Variants in ITFG1 observed in about 807,000 individuals in gnomAD.
ITFG1 encodes the protein T-cell immunomodulatory protein.
ITFG1 carries 34 observed loss-of-function variants against 81.8 expected under a neutral mutation model. That is an observed-to-expected ratio of 0.42 (90% CI 0.32 to 0.55). ITFG1 has a LOEUF of 0.55. ITFG1 is among the 20% of genes least tolerant of loss of function. The pLI is 0.17. For missense variants in ITFG1, 672 were observed against 755.4 expected (o/e 0.89, Z 1.29); for synonymous variants, 285 against 270.6 (o/e 1.05, Z -0.52).
chr16:47,430,136 C>T (rs1137143), intron 5 of ITFG1, among the ~76,000 whole-genome samples: 47,643 of 149,616 alleles, frequency 0.32, 7,934 homozygotes, highest in Non-Finnish European at 0.38. Context: ...CCGCTCACTG[C>T]AACTTCCGCC....
rs548537429 is a variant in ITFG1 at position 47,421,830 on chromosome 16, T to C, written c.655+6974A>G. 2.0e-5 allele frequency among the ~76,000 whole-genome samples: 3 copies of C among 152,176 alleles called. No individual in the cohort carries two copies. The East Asian group carries it at 5.8e-4, about 29-fold the overall frequency. The stretch of plus-strand genomic sequence containing the variant: ...TCTCCTAATGCTATACCTCCCACAG[T>C]CCCCCACCCAGCAACAGGGTCTGGT... On this transcript the variant is annotated intron_variant, in intron 6 of 17. Coordinates refer to ENST00000320640, the MANE Select transcript of ITFG1 (RefSeq NM_030790.5).
chr16:47,310,696 A>G (rs1967244245), intron 10 of ITFG1, among the ~76,000 whole-genome samples: 1 of 152,218 alleles, frequency 6.6e-6, no homozygotes, highest in African/African-American at 2.4e-5. Context: ...TAATGTAACA[A>G]CATTTACTAA....
At chr16:47,421,314 T>A (rs893934153) in intron 6 of ITFG1, among the ~76,000 whole-genome samples, 1 of 144,586 alleles carries the variant, frequency 6.9e-6, no homozygotes, top group African/African-American at 2.7e-5. Context: ...ACATACATAT[T>A]TTTTTTTTCT....
At chr16:47,414,875 A>T (rs137973436) in intron 6 of ITFG1, among the ~76,000 whole-genome samples, 1 of 152,234 alleles carries the variant, frequency 6.6e-6, no homozygotes, top group South Asian at 2.1e-4. Context: ...TTTTACCACT[A>T]TAAGTTCACC....
chr16:47,326,187 C>G (rs556912335), intron 8 of ITFG1, among the ~76,000 whole-genome samples: 1 of 151,944 alleles, frequency 6.6e-6, no homozygotes, highest in African/African-American at 2.4e-5. Context: ...ATCAATACAC[C>G]TAATACAGCA....
In ITFG1 at chr16:47,313,701, T is replaced by A. The variant is rs202019537; in HGVS notation, c.897+28A>T. 74 of 1,246,026 alleles carry A rather than the reference T, an allele frequency of 5.9e-5. No homozygotes were observed. In the African/African-American group the frequency reaches 9.8e-4, roughly 17 times the overall value. The allele number at this position is 1,246,026 out of a possible 1,614,324, so 77.2% of individuals were successfully genotyped here. On this transcript the variant is annotated intron_variant, in intron 9 of 17. Coordinates refer to ENST00000320640, the MANE Select transcript of ITFG1 (RefSeq NM_030790.5). ...TTTTTTCCAAGCACATAAAAAAAAA[T>A]GTTTACATTAAAAACAACTTGATAT...
At chr16:47,310,043 G>A (rs955470695) in intron 10 of ITFG1, among the ~76,000 whole-genome samples, 2 of 152,166 alleles carry the variant, frequency 1.3e-5, no homozygotes, top group Non-Finnish European at 2.9e-5. Context: ...TATCAGATCT[G>A]TTTCACACAC....
chr16:47,256,868 A>C (rs1966144888), intron 12 of ITFG1, among the ~76,000 whole-genome samples: 1 of 152,186 alleles, frequency 6.6e-6, no homozygotes, highest in Non-Finnish European at 1.5e-5. Flanking sequence ...TACAAAGTAC[A>C]TGTGCCTTTT....
chr16:47,359,016 G>A (rs1968075778), intron 8 of ITFG1, among the ~76,000 whole-genome samples: 1 of 152,124 alleles, frequency 6.6e-6, no homozygotes, highest in Non-Finnish European at 1.5e-5. Flanking sequence ...AGAGGGTGAT[G>A]TGGCAAAACC....
rs111375193 is a variant in ITFG1, at chr16:47,400,457, T to TACACAC, written c.656-24523_656-24518dup. On this transcript the variant is annotated intron_variant, in intron 6 of 17. Coordinates refer to ENST00000320640, the MANE Select transcript of ITFG1 (RefSeq NM_030790.5). ...GTTAATAGGGAAGACAGAGTCACTTTACACACACACACACACACACACACA... is the reference window on the plus strand; with the variant it reads ...GTTAATAGGGAAGACAGAGTCACTTTACACACACACACACACACACACACACACACA... 4.1e-3 allele frequency among the ~76,000 whole-genome samples: 556 copies of TACACAC among 137,034 alleles called. 6 individuals are homozygous for TACACAC. Among genetic ancestry groups the TACACAC allele is most frequent in the African/African-American group, 0.013 (491 of 36,668 alleles). 89.9% of individuals were successfully genotyped at this position (137,034 alleles called of 152,430 possible). A position where few individuals can be genotyped will look rare whatever the true frequency, so the allele number is the denominator to read the frequency against.
intron 6 of ITFG1, among the ~76,000 whole-genome samples, chr16:47,378,445 G>A (rs958973198): frequency 1.3e-5 from 2 of 152,242 alleles, no homozygotes; most frequent in African/African-American, 4.8e-5. Context: ...ATTTATCGCC[G>A]CTCCTTGAAA....
At chr16:47,255,423 GA>G (rs1966128352) in intron 12 of ITFG1, among the ~76,000 whole-genome samples, 1 of 152,134 alleles carries the variant, frequency 6.6e-6, no homozygotes, top group Non-Finnish European at 1.5e-5. Context: ...GTTAAACCAG[GA>G]AAGGCATTTC....
intron 6 of ITFG1, among the ~76,000 whole-genome samples, chr16:47,385,485 C>A (rs1383692582): frequency 6.6e-6 from 1 of 152,134 alleles, no homozygotes; most frequent in African/African-American, 2.4e-5. Flanking sequence ...CAAAAAATTT[C>A]TCTTGAAGCA....
chr16:47,424,305 CT>C (rs1264676578), intron 6 of ITFG1, among the ~76,000 whole-genome samples: 1 of 152,150 alleles, frequency 6.6e-6, no homozygotes, highest in Non-Finnish European at 1.5e-5. Context: ...CTTTTTTACA[CT>C]GTTTATTCTA....
chr16:47,313,831 A>G lies in ITFG1; in HGVS notation c.803-8T>C, dbSNP rs1325887801. On this transcript the variant is annotated splice_region_variant and splice_polypyrimidine_tract_variant and intron_variant, in intron 8 of 17. Transcript: ENST00000320640. The stretch of plus-strand genomic sequence containing the variant: ...CCATGTGTCCATCTCCATCTGCCAA[A>G]AGAAACTTCAAGAGTCCATTAATAG... The G allele has an allele frequency of 1.3e-6, 2 of 1,512,774 alleles. No homozygotes were observed. Among genetic ancestry groups the G allele is most frequent in the East Asian group, 2.3e-5 (1 of 43,482 alleles). 93.7% of individuals were successfully genotyped at this position (1,512,774 alleles called of 1,614,324 possible). A position where few individuals can be genotyped will look rare whatever the true frequency, so the allele number is the denominator to read the frequency against.
At chr16:47,182,286 C>A (rs1473924993) in intron 14 of ITFG1, among the ~76,000 whole-genome samples, 1 of 150,500 alleles carries the variant, frequency 6.6e-6, no homozygotes, top group Non-Finnish European at 1.5e-5. Flanking sequence ...GCAATGGGAG[C>A]ATACATTAGA....
intron 8 of ITFG1, among the ~76,000 whole-genome samples, chr16:47,346,383 A>T (rs1018470295): frequency 5.3e-5 from 8 of 152,232 alleles, no homozygotes; most frequent in African/African-American, 1.9e-4. Flanking sequence ...AATGAAAATG[A>T]AATACAACAT....
intron 17 of ITFG1, among the ~76,000 whole-genome samples, chr16:47,158,014 A>C (rs1319336984): frequency 6.6e-6 from 1 of 152,134 alleles, no homozygotes; most frequent in African/African-American, 2.4e-5. Context: ...TTTTGTTTTC[A>C]ATTATTATTT....
intron 14 of ITFG1, among the ~76,000 whole-genome samples, chr16:47,190,302 G>A (rs1158479791): frequency 1.3e-5 from 2 of 152,004 alleles, no homozygotes; most frequent in Non-Finnish European, 2.9e-5. Context: ...GGTGAGAAGA[G>A]TTTTTTTAGT....
Sources: allele counts gnomAD v4.1 joint callset (sites outside exome capture counted in the v4.1 genomes callset), GRCh38; gene constraint gnomAD v4.1.1; transcripts MANE v1.5; gene names NCBI Gene and HGNC (gene_info 2026-07-23, HGNC 2026-07-21).